The following ANK3 variants were observed in gnomAD, a reference collection of about 807,000 sequenced individuals.
The protein encoded by ANK3 is ankyrin 3, also known as ankyrin-3.
Under a neutral mutation model 370.9 loss-of-function variants are expected in ANK3, and 57 were observed. The observed-to-expected ratio is 0.15, with a 90% CI of 0.12 to 0.19. The LOEUF is 0.19. Ranked by LOEUF, ANK3 falls within the 10% of genes least tolerant of loss-of-function variation. The pLI, the probability that ANK3 is intolerant of heterozygous loss-of-function variation, is 1.00. For synonymous variants in ANK3, 1,929 were observed against 1,946.3 expected, an observed-to-expected ratio of 0.99 and a Z score of 0.23; for missense variants, 4,439 against 5,302.1, an observed-to-expected ratio of 0.84 and a Z score of 5.06.
At chr10:60,578,679 G>A (rs1408186076) in intron 2 of ANK3, among the ~76,000 whole-genome samples, 1 of 152,038 alleles carries the variant, frequency 6.6e-6, no homozygotes, top group Non-Finnish European at 1.5e-5. Context: ...TACAAAAGAT[G>A]GACAGATACA....
intron 2 of ANK3, among the ~76,000 whole-genome samples, chr10:60,449,131 T>A (rs946062676): frequency 6.6e-6 from 1 of 152,120 alleles, no homozygotes; most frequent in Admixed American, 6.6e-5. Flanking sequence ...GCTAGTATAG[T>A]AACAAGGTGG....
At position 60,027,062 on chromosome 10, in the gene ANK3, ACCT is replaced by A. The variant is rs1313222351; in HGVS notation, c.*2781_*2783del. On this transcript the variant is annotated 3_prime_UTR_variant, in exon 44 of 44. Coordinates refer to ENST00000280772, the MANE Select transcript of ANK3 (RefSeq NM_020987.5). ...TTGGATACTTCTGAGTAAACTTATG[ACCT>A]CCTGCTTGATCGGAACCAAAGCATA... is the stretch of plus-strand genomic sequence containing the variant. 1.3e-5 allele frequency: 2 copies of A among 152,008 alleles called. No homozygotes were observed. The highest frequency in any genetic ancestry group is 2.4e-5 in the African/African-American group (1 of 41,384). The allele number at this position is 152,008 out of a possible 1,614,324, so 9.4% of individuals were successfully genotyped here. A position where few individuals can be genotyped will look rare whatever the true frequency, so the allele number is the denominator to read the frequency against.
Position 60,070,738 on chromosome 10 carries a change from T to C in ANK3, c.10143A>G (p.Glu3381=). The change falls in exon 37 of 44, where the codon GAA becomes GAG. Residue 3381 remains glutamate, a synonymous_variant. Transcript: ENST00000280772. This position sits in a 1 kb window ranked among gnomAD's most constrained non-coding sequence, Gnocchi z 5.7. The part of the protein sequence containing the change: ...FGLGLDSPQN[E]IAQNGNNDQS... ...GGTCGTTGTTCCCATTCTGGGCAAT[T>C]TCATTCTGAGGTGAATCAAGGCCAA... 6.2e-7 allele frequency: 1 copy of C among 1,614,194 alleles called. No homozygotes were observed. Among genetic ancestry groups the C allele is most frequent in the Non-Finnish European group, 8.5e-7 (1 of 1,180,032 alleles).
chr10:60,331,924 T>C (rs1472293686), intron 1 of ANK3, among the ~76,000 whole-genome samples: 1 of 152,056 alleles, frequency 6.6e-6, no homozygotes, highest in Non-Finnish European at 1.5e-5. Context: ...CAGAAAGAAA[T>C]TGATTCTTTT....
chr10:60,095,538 G>A (rs1422457235), intron 28 of ANK3, among the ~76,000 whole-genome samples: 1 of 151,922 alleles, frequency 6.6e-6, no homozygotes, highest in Non-Finnish European at 1.5e-5. Context: ...ACATCACCAC[G>A]CCCTGCTAAT....
chr10:60,414,881 G>C (rs1201167617), intron 2 of ANK3, among the ~76,000 whole-genome samples: 2 of 152,186 alleles, frequency 1.3e-5, no homozygotes, highest in African/African-American at 4.8e-5. Flanking sequence ...CTGAGAGGAG[G>C]CACTGAAGAT....
intron 25 of ANK3, among the ~76,000 whole-genome samples, chr10:60,121,450 G>C (rs2093466735): frequency 6.6e-6 from 1 of 151,812 alleles, no homozygotes; most frequent in Non-Finnish European, 1.5e-5. Context: ...CCAGCACTTT[G>C]GGAGGTCAAA....
chr10:60,462,587 T>A (rs1476360813), intron 2 of ANK3, among the ~76,000 whole-genome samples: 2 of 149,758 alleles, frequency 1.3e-5, no homozygotes, highest in Non-Finnish European at 3.0e-5. Flanking sequence ...AATTTAGCTT[T>A]TTTTTTTTTT....
chr10:60,595,362 A>G (rs1045082301), intron 2 of ANK3, among the ~76,000 whole-genome samples: 6 of 152,100 alleles, frequency 3.9e-5, no homozygotes, highest in African/African-American at 7.2e-5. Context: ...GGGTTAGGAA[A>G]TGGGGAATGC....
At chr10:60,674,534 A>G (rs922795231) in intron 1 of ANK3, among the ~76,000 whole-genome samples, 2 of 152,204 alleles carry the variant, frequency 1.3e-5, no homozygotes, top group African/African-American at 4.8e-5. Context: ...CAAGCCACTC[A>G]TGAGGAATCT....
At chr10:60,387,516 A>T (rs1224370433) in intron 1 of ANK3, among the ~76,000 whole-genome samples, 2 of 152,204 alleles carry the variant, frequency 1.3e-5, no homozygotes, top group Non-Finnish European at 2.9e-5. Context: ...TACAGAATAT[A>T]CCTATTTTAC....
rs186910420 is a variant in ANK3, at chr10:60,242,731, A to G, written c.799-7945T>C. On this transcript the variant is annotated intron_variant, in intron 7 of 43. Coordinates refer to ENST00000280772, the MANE Select transcript of ANK3 (RefSeq NM_020987.5). ...GGGGTGTCAAGAGGAGACATGAGAT[A>G]ATTTGTATTAAAAGAAGGACATTCA... Among the ~76,000 whole-genome samples, 324 of 152,272 alleles carry G rather than the reference A, an allele frequency of 2.1e-3. 1 individual carries two copies. Among genetic ancestry groups the G allele is most frequent in the Non-Finnish European group, 3.4e-3 (234 of 68,004 alleles).
At chr10:60,490,039 A>T (rs908960435) in intron 2 of ANK3, among the ~76,000 whole-genome samples, 4 of 152,122 alleles carry the variant, frequency 2.6e-5, no homozygotes, top group Admixed American at 2.6e-4. Context: ...TCCCCACTTA[A>T]CCCCTGGAAC....
Position 60,296,114 on chromosome 10 carries a change from T to G in ANK3, c.115-16475A>C, listed in dbSNP as rs370367408. On this transcript the variant is annotated intron_variant, in intron 1 of 43. Transcript: ENST00000280772. ...ATATAGTGCTACTATTTTTGCAAAG[T>G]ACAGATCAGGATCACTCTAATCAGT... is the stretch of plus-strand genomic sequence containing the variant. Among the ~76,000 whole-genome samples the G allele has an allele frequency of 3.5e-4, 53 of 152,302 alleles. 1 individual carries two copies. In the South Asian group the frequency reaches 0.011, roughly 31 times the overall value.
At position 60,437,088 on chromosome 10, in the gene ANK3, A is replaced by C. The variant is rs181863422; in HGVS notation, c.97-157449T>G. On this transcript the variant is annotated intron_variant, in intron 2 of 43. Transcript: ENST00000373827. The stretch of plus-strand genomic sequence containing the variant: ...TAACCAAGCCTCTGGTTGAACTACC[A>C]CTGATTCCAGAGTGTTTAGACCACT... Among the ~76,000 whole-genome samples, 4 of 152,282 alleles carry C rather than the reference A, an allele frequency of 2.6e-5. No individual in the cohort carries two copies. The East Asian group carries it at 7.7e-4, about 29-fold the overall frequency.
At position 60,555,513 on chromosome 10, in the gene ANK3, T is replaced by C. The variant is rs142801381; in HGVS notation, c.96+59673A>G. 4.7e-3 allele frequency among the ~76,000 whole-genome samples: 715 copies of C among 152,104 alleles called. 19 individuals are homozygous for C. The highest frequency in any genetic ancestry group is 8.7e-3 in the East Asian group (45 of 5,182). Reference sequence around the variant, plus strand: ...AAAAAAAAAAGAAATTACAAAATTTTTTAGTTATAAATAAATATAAGGCAA... The same window carrying C: ...AAAAAAAAAAGAAATTACAAAATTTCTTAGTTATAAATAAATATAAGGCAA... On this transcript the variant is annotated intron_variant, in intron 2 of 43. Transcript: ENST00000373827.
At position 60,367,595 on chromosome 10, in the gene ANK3, T is replaced by G. The variant is rs546611410; in HGVS notation, c.114+21830A>C. 3.3e-5 allele frequency among the ~76,000 whole-genome samples: 5 copies of G among 152,318 alleles called. No individual in the cohort carries two copies. In the South Asian group the frequency reaches 1.0e-3, roughly 32 times the overall value. On this transcript the variant is annotated intron_variant, in intron 1 of 43. Coordinates refer to ENST00000280772, the MANE Select transcript of ANK3 (RefSeq NM_020987.5). ...CTAAAACAACAATCGTTGCCTTGCC[T>G]CTGGGGTGATCATCAGCACACTGCA...
intron 1 of ANK3, among the ~76,000 whole-genome samples, chr10:60,335,876 GT>G (rs1186352407): frequency 6.6e-6 from 1 of 152,094 alleles, no homozygotes; most frequent in African/African-American, 2.4e-5. Flanking sequence ...GGAGACACTT[GT>G]CCAAAATTAC....
chr10:60,223,646 A>AT (rs1417776113), intron 8 of ANK3, among the ~76,000 whole-genome samples: 1 of 151,014 alleles, frequency 6.6e-6, no homozygotes, highest in Non-Finnish European at 1.5e-5. Flanking sequence ...GTTTAAAATT[A>AT]TTTTCCTTGT....
Sources: gnomAD v4.1 joint callset for allele counts (sites outside exome capture counted in the v4.1 genomes callset) on GRCh38, gnomAD v4.1.1 for gene constraint, Gnocchi (gnomAD v3.1) non-coding constraint, MANE v1.5 for transcripts, NCBI Gene and HGNC (gene_info 2026-07-23, HGNC 2026-07-21) for gene names.